ZNF365: variants seen among roughly 807,000 people sequenced by gnomAD.
ZNF365 encodes the protein zinc finger protein 365, also known as protein ZNF365.
A neutral mutation model predicts 35.0 loss-of-function variants in ZNF365; 22 were observed. The observed-to-expected ratio is 0.63, with a 90% confidence interval of 0.45 to 0.90. The LOEUF (loss-of-function observed/expected upper bound fraction) is 0.90. Among genes scored for constraint, ZNF365 ranks in the 40% least tolerant of loss-of-function variants. The pLI, the probability that ZNF365 is intolerant of heterozygous loss-of-function variation, is 0.00. For synonymous variants in ZNF365, 188 were observed against 196.2 expected, an observed-to-expected ratio of 0.96 and a Z score of 0.35; for missense variants, 448 against 500.3, an observed-to-expected ratio of 0.90 and a Z score of 1.00.
At chr10:62,417,146 C>A (rs1001954247) in intron 3 of ZNF365, among the ~76,000 whole-genome samples, 8 of 152,100 alleles carry the variant, frequency 5.3e-5, no homozygotes, top group African/African-American at 1.9e-4. Context: ...AAATTTCCAA[C>A]ATTTGTCCTC....
intron 4 of ZNF365, among the ~76,000 whole-genome samples, chr10:62,477,378 G>A (rs1447371978): frequency 6.6e-6 from 1 of 152,052 alleles, no homozygotes; most frequent in African/African-American, 2.4e-5. Context: ...GAAAGTCCAG[G>A]AAAAACTACA....
intron 3 of ZNF365, among the ~76,000 whole-genome samples, chr10:62,429,010 C>T (rs1006929448): frequency 7.9e-5 from 12 of 152,168 alleles, no homozygotes; most frequent in Admixed American, 5.2e-4. Context: ...AGTAGGCACT[C>T]GCTAGCTGAT....
At chr10:62,397,308 C>T (rs530810401) in intron 3 of ZNF365, among the ~76,000 whole-genome samples, 1 of 151,684 alleles carries the variant, frequency 6.6e-6, no homozygotes, top group South Asian at 2.1e-4. Context: ...TTGCGGCTTG[C>T]TGCAGACAGA....
chr10:62,458,540 GT>G (rs1233511876), intron 3 of ZNF365, among the ~76,000 whole-genome samples: 1 of 151,990 alleles, frequency 6.6e-6, no homozygotes, highest in Non-Finnish European at 1.5e-5. Context: ...GTGTGTGTAT[GT>G]GGGTGCATGC....
At chr10:62,390,034 G>A (rs576401499) in intron 3 of ZNF365, among the ~76,000 whole-genome samples, 12 of 152,152 alleles carry the variant, frequency 7.9e-5, no homozygotes, top group Admixed American at 5.2e-4. Context: ...TCTTTCTGCC[G>A]TCTTCTTTCA....
At chr10:62,379,721 T>A (rs966287446) in intron 2 of ZNF365, among the ~76,000 whole-genome samples, 2 of 152,218 alleles carry the variant, frequency 1.3e-5, no homozygotes, top group African/African-American at 4.8e-5. Context: ...TTGATTTGAC[T>A]GCATCTGCCT....
chr10:62,461,987 A>T (rs1379514332), intron 4 of ZNF365, among the ~76,000 whole-genome samples: 1 of 151,644 alleles, frequency 6.6e-6, no homozygotes, highest in Non-Finnish European at 1.5e-5. Flanking sequence ...CTTTTTTTTT[A>T]CTACTAGTGA....
At chr10:62,443,818 T>G (rs999911035) in intron 3 of ZNF365, among the ~76,000 whole-genome samples, 11 of 152,170 alleles carry the variant, frequency 7.2e-5, no homozygotes, top group African/African-American at 2.4e-4. Context: ...TGCATTTCAC[T>G]GAGAACTAAT....
Position 62,450,120 on chromosome 10 carries a change from A to T in ZNF365, c.925-9621A>T, listed in dbSNP as rs767830293. Among the ~76,000 whole-genome samples the T allele has an allele frequency of 5.3e-5, 8 of 152,220 alleles. No homozygotes were observed. In the East Asian group the frequency reaches 5.8e-4, roughly 11 times the overall value. On this transcript the variant is annotated intron_variant, in intron 3 of 4. Transcript: ENST00000395255. ...GATCCCCAACTCCATTAAAAAAAAA[A>T]TTTTAAGACTTAGTGGTGATTGTCT...
intron 4 of ZNF365, among the ~76,000 whole-genome samples, chr10:62,476,300 G>T (rs1381784005): frequency 6.6e-6 from 1 of 152,216 alleles, no homozygotes; most frequent in Non-Finnish European, 1.5e-5. Flanking sequence ...AAGTTTGATA[G>T]AGTTTCTACA....
intron 3 of ZNF365, 72 bp downstream of exon 3, chr10:62,388,648 A>C: frequency 2.6e-6 from 4 of 1,557,604 alleles, no homozygotes; most frequent in Non-Finnish European, 3.5e-6. Context: ...GGACAGAGAA[A>C]AGGGAGCTGG....
intron 2 of ZNF365, among the ~76,000 whole-genome samples, chr10:62,383,936 A>G (rs1401577886): frequency 6.6e-6 from 1 of 151,872 alleles, no homozygotes; most frequent in Admixed American, 6.6e-5. Context: ...TGGTTTCTGG[A>G]TACCTATCCA....
chr10:62,471,721 AT>A (rs536685187), intron 4 of ZNF365, among the ~76,000 whole-genome samples: 1 of 152,130 alleles, frequency 6.6e-6, no homozygotes, highest in African/African-American at 2.4e-5. Context: ...AATTTCCTGC[AT>A]TTTTTTAACA....
intron 3 of ZNF365, among the ~76,000 whole-genome samples, chr10:62,393,763 T>C (rs1442397650): frequency 1.3e-5 from 2 of 152,212 alleles, no homozygotes; most frequent in East Asian, 3.8e-4. Flanking sequence ...AAGGAAAAAT[T>C]GACTAATTCA....
chr10:62,453,600 T>G (rs530363837), intron 3 of ZNF365, among the ~76,000 whole-genome samples: 1 of 152,250 alleles, frequency 6.6e-6, no homozygotes, highest in South Asian at 2.1e-4. Context: ...AATATGTGGG[T>G]GTAGGTACTT....
chr10:62,422,359 T>C (rs762176297), intron 3 of ZNF365, among the ~76,000 whole-genome samples: 9 of 152,188 alleles, frequency 5.9e-5, no homozygotes, highest in Non-Finnish European at 8.8e-5. Context: ...TGAACTTCTT[T>C]GGTTGTTAAA....
intron 3 of ZNF365, among the ~76,000 whole-genome samples, chr10:62,408,615 A>G (rs1285030173): frequency 1.3e-5 from 2 of 152,226 alleles, no homozygotes; most frequent in African/African-American, 4.8e-5. Context: ...TTTATTTGAG[A>G]CTATTGGCTA....
chr10:62,428,111 G>T (rs565415521), intron 3 of ZNF365, among the ~76,000 whole-genome samples: 1 of 152,092 alleles, frequency 6.6e-6, no homozygotes, highest in Non-Finnish European at 1.5e-5. Context: ...AATTCCCTGC[G>T]TGTCAGGACA....
chr10:62,410,544 G>A (rs1839970312), intron 3 of ZNF365, among the ~76,000 whole-genome samples: 2 of 152,142 alleles, frequency 1.3e-5, no homozygotes, highest in South Asian at 2.1e-4. Flanking sequence ...AGGCACCTGT[G>A]TGTGTAGTTC....
Sources: allele counts gnomAD v4.1 joint callset (sites outside exome capture counted in the v4.1 genomes callset), GRCh38; gene constraint gnomAD v4.1.1; transcripts MANE v1.5; gene names NCBI Gene and HGNC (gene_info 2026-07-23, HGNC 2026-07-21).